ARHGAP20: variants seen among roughly 807,000 people sequenced by gnomAD.
ARHGAP20 encodes rho GTPase-activating protein 20.
Under a neutral mutation model 73.7 loss-of-function variants are expected in ARHGAP20, and 34 were observed. That is an observed-to-expected ratio of 0.46 (90% CI 0.35 to 0.61). The LOEUF (loss-of-function observed/expected upper bound fraction) is 0.61, where lower values mean the gene tolerates loss of function less well. ARHGAP20 is among the 20% of genes least tolerant of loss of function. The pLI is 0.00. For missense variants in ARHGAP20, 1,314 were observed against 1,420.9 expected (o/e 0.92, Z 1.21); for synonymous variants, 523 against 518.2 (o/e 1.01, Z -0.13).
intron 9 of ARHGAP20, among the ~76,000 whole-genome samples, chr11:110,596,915 G>C (rs1947978278): frequency 6.6e-6 from 1 of 152,116 alleles, no homozygotes; most frequent in African/African-American, 2.4e-5. Context: ...TGATAGACTG[G>C]ATTAAGAAAA....
intron 2 of ARHGAP20, among the ~76,000 whole-genome samples, chr11:110,673,184 C>T (rs1949863840): frequency 6.6e-6 from 1 of 152,070 alleles, no homozygotes; most frequent in Non-Finnish European, 1.5e-5. Flanking sequence ...AGATCCTAAA[C>T]TTTATGGACC....
chr11:110,613,554 C>T (rs1049756218), intron 6 of ARHGAP20, among the ~76,000 whole-genome samples: 1 of 152,062 alleles, frequency 6.6e-6, no homozygotes, highest in Admixed American at 6.5e-5. Context: ...TTTCCATATA[C>T]CGAAAAGAAA....
intron 9 of ARHGAP20, among the ~76,000 whole-genome samples, chr11:110,595,811 A>G (rs1305858544): frequency 6.6e-6 from 1 of 152,150 alleles, no homozygotes; most frequent in Non-Finnish European, 1.5e-5. Flanking sequence ...TTCATATGGA[A>G]CCAAAAAAGA....
intron 2 of ARHGAP20, among the ~76,000 whole-genome samples, chr11:110,680,735 G>T (rs1950022091): frequency 1.3e-5 from 2 of 152,114 alleles, no homozygotes; most frequent in African/African-American, 4.8e-5. Context: ...ATCTCCTAAA[G>T]ATTTCCTCCC....
Position 110,592,017 on chromosome 11 carries a change from G to A in ARHGAP20, c.1103C>T (p.Pro368Leu). 1 of 1,614,070 alleles carries A rather than the reference G, an allele frequency of 6.2e-7. No homozygotes were observed. The highest frequency in any genetic ancestry group is 8.5e-7 in the Non-Finnish European group (1 of 1,179,990). ...MPGQLFGISL[P>L]NICENDNLPK... ...CAGATTGTCATTCTCACAAATATTT[G>A]GCAGAGAAATTCCAAAGAGCTGTCC... The change falls in exon 10 of 15, where the codon CCA becomes CTA. Residue 368 changes from proline to leucine, a missense_variant. Physicochemically the swap from Pro to Leu is moderately conservative, Grantham distance 98 (BLOSUM62 -3). Coordinates refer to ENST00000683387, the MANE Select transcript of ARHGAP20 (RefSeq NM_001384657.1).
intron 9 of ARHGAP20, among the ~76,000 whole-genome samples, chr11:110,605,502 T>C (rs556001564): frequency 6.6e-6 from 1 of 152,342 alleles, no homozygotes; most frequent in African/African-American, 2.4e-5. Flanking sequence ...TCTTGGAGTG[T>C]ATTAACACTT....
intron 1 of ARHGAP20, among the ~76,000 whole-genome samples, chr11:110,698,209 T>G (rs1169430949): frequency 6.6e-6 from 1 of 151,906 alleles, no homozygotes; most frequent in Non-Finnish European, 1.5e-5. Context: ...TCTGTGTATG[T>G]GGTAAAACAC....
At chr11:110,616,661 A>C (rs2134905531) in intron 4 of ARHGAP20, among the ~76,000 whole-genome samples, 2 of 150,790 alleles carry the variant, frequency 1.3e-5, no homozygotes, top group South Asian at 4.2e-4. Flanking sequence ...AGGATTTGTC[A>C]TCAGAAAGTG....
At chr11:110,620,950 T>C (rs1336714473) in intron 4 of ARHGAP20, among the ~76,000 whole-genome samples, 1 of 151,804 alleles carries the variant, frequency 6.6e-6, no homozygotes, top group Non-Finnish European at 1.5e-5. Context: ...GGTGTGCACC[T>C]GTAATCCCAG....
In ARHGAP20 at chr11:110,590,706, G is replaced by T; in HGVS notation, c.1247C>A (p.Ser416Tyr). The T allele has an allele frequency of 6.2e-7, 1 of 1,614,068 alleles. No homozygotes were observed. Among genetic ancestry groups the T allele is most frequent in the Non-Finnish European group, 8.5e-7 (1 of 1,179,972 alleles). The change falls in exon 11 of 15, where the codon TCT becomes TAT. Residue 416 changes from serine (S) to tyrosine (Y), a missense_variant. Transcript: ENST00000683387. ...SCRELKEKLNSGVEVHLDCES... is the reference protein window; with the variant it reads ...SCRELKEKLNYGVEVHLDCES... ...ACAGTCTAGGTGTACTTCGACTCCA[G>T]AATTCAATTTCTCTTTTAGTTCTCT...
At chr11:110,701,154 G>T (rs1402818264) in intron 1 of ARHGAP20, among the ~76,000 whole-genome samples, 2 of 151,662 alleles carry the variant, frequency 1.3e-5, no homozygotes, top group Non-Finnish European at 2.9e-5. Context: ...AGATCCCTGA[G>T]GAATCGCCAC....
intron 3 of ARHGAP20, among the ~76,000 whole-genome samples, chr11:110,624,564 G>C (rs1948696683): frequency 1.3e-5 from 2 of 151,998 alleles, no homozygotes; most frequent in East Asian, 3.9e-4. Flanking sequence ...AATAGGAACA[G>C]CAAACCACCA....
intron 11 of ARHGAP20, among the ~76,000 whole-genome samples, chr11:110,590,345 GT>G (rs1301835336): frequency 6.6e-6 from 1 of 152,114 alleles, no homozygotes; most frequent in African/African-American, 2.4e-5. Context: ...GTATACGTGT[GT>G]TTTTTGATTT....
At chr11:110,621,304 C>G (rs1322360850) in intron 4 of ARHGAP20, among the ~76,000 whole-genome samples, 1 of 151,980 alleles carries the variant, frequency 6.6e-6, no homozygotes, top group African/African-American at 2.4e-5. Flanking sequence ...TATATTTATG[C>G]CTTTTACCAA....
At chr11:110,702,855 C>T (rs1369343262) in intron 1 of ARHGAP20, among the ~76,000 whole-genome samples, 1 of 152,114 alleles carries the variant, frequency 6.6e-6, no homozygotes. Flanking sequence ...TCAAGGAGAA[C>T]TATAAACCAC....
At chr11:110,670,153 T>C (rs1433984101) in intron 2 of ARHGAP20, among the ~76,000 whole-genome samples, 1 of 152,124 alleles carries the variant, frequency 6.6e-6, no homozygotes, top group African/African-American at 2.4e-5. Flanking sequence ...ATAATGTTGG[T>C]ATATAACATA....
At chr11:110,671,331 G>A (rs572966542) in intron 2 of ARHGAP20, among the ~76,000 whole-genome samples, 2 of 151,844 alleles carry the variant, frequency 1.3e-5, no homozygotes. Context: ...TCACATACTG[G>A]AATTAAAGGA....
intron 2 of ARHGAP20, among the ~76,000 whole-genome samples, chr11:110,662,506 C>G (rs1949637403): frequency 6.6e-6 from 1 of 151,702 alleles, no homozygotes; most frequent in Admixed American, 6.6e-5. Context: ...AAACAATTTC[C>G]AGGAATCATA....
intron 2 of ARHGAP20, among the ~76,000 whole-genome samples, chr11:110,679,737 C>T (rs902534036): frequency 6.6e-6 from 1 of 152,176 alleles, no homozygotes; most frequent in African/African-American, 2.4e-5. Context: ...TGGGTGACTC[C>T]ACCAGGGTCA....
Sources: gnomAD v4.1 joint callset for allele counts (sites outside exome capture counted in the v4.1 genomes callset) on GRCh38, gnomAD v4.1.1 for gene constraint, MANE v1.5 for transcripts, NCBI Gene and HGNC (gene_info 2026-07-23, HGNC 2026-07-21) for gene names.